The following CSMD1 variants were observed in gnomAD, a reference collection of about 807,000 sequenced individuals.
CSMD1 encodes CUB and sushi domain-containing protein 1.
CSMD1 carries 213 observed loss-of-function variants against 417.5 expected under a neutral mutation model. The ratio of observed to expected loss-of-function variants is 0.51; its 90% CI spans 0.46 to 0.57. The LOEUF is 0.57. Among genes scored for constraint, CSMD1 ranks in the 20% least tolerant of loss-of-function variants. CSMD1 has a pLI of 0.00. For synonymous variants in CSMD1, 2,862 were observed against 1,736.8 expected, an observed-to-expected ratio of 1.65 and a Z score of -16.11; for missense variants, 6,923 against 4,529.7, an observed-to-expected ratio of 1.53 and a Z score of -15.17.
At chr8:3,972,218 G>T (rs1328758072) in intron 5 of CSMD1, among the ~76,000 whole-genome samples, 1 of 151,276 alleles carries the variant, frequency 6.6e-6, no homozygotes, top group Admixed American at 6.6e-5. Flanking sequence ...GAAGAAAGCA[G>T]GGAGAAAAAA....
At chr8:2,989,646 G>C (rs556500979) in intron 54 of CSMD1, among the ~76,000 whole-genome samples, 1 of 152,338 alleles carries the variant, frequency 6.6e-6, no homozygotes, top group East Asian at 1.9e-4. Flanking sequence ...TAGTGGACCA[G>C]AGACAGTATC....
rs533923254 is a variant in CSMD1, at chr8:4,048,065, T to A, written c.416-15966A>T. Among the ~76,000 whole-genome samples, 10 of 152,284 alleles carry A rather than the reference T, an allele frequency of 6.6e-5. No individual in the cohort carries two copies. In the East Asian group the frequency reaches 1.9e-3, roughly 29 times the overall value. On this transcript the variant is annotated intron_variant, in intron 3 of 69. Coordinates refer to ENST00000635120, the MANE Select transcript of CSMD1 (RefSeq NM_033225.6). ...CATGTAGAATTCATTCTTTTCCAAA[T>A]ATTTTGTGCATTCCTAATTGATAAG...
intron 7 of CSMD1, among the ~76,000 whole-genome samples, chr8:3,627,998 T>A (rs188978640): frequency 2.0e-5 from 3 of 152,322 alleles, no homozygotes; most frequent in Admixed American, 2.0e-4. Flanking sequence ...ATATATCTAA[T>A]ATGAATTCCT....
chr8:4,201,200 C>A (rs1799623968), intron 3 of CSMD1, among the ~76,000 whole-genome samples: 1 of 152,090 alleles, frequency 6.6e-6, no homozygotes, highest in Admixed American at 6.5e-5. Flanking sequence ...AGGAGGTGAT[C>A]CAATACATGG....
At chr8:4,341,584 C>T (rs1800481063) in intron 3 of CSMD1, among the ~76,000 whole-genome samples, 2 of 152,082 alleles carry the variant, frequency 1.3e-5, no homozygotes, top group Admixed American at 6.6e-5. Flanking sequence ...TACTAACGTT[C>T]TGTGGTTCCC....
intron 1 of CSMD1, among the ~76,000 whole-genome samples, chr8:4,941,947 T>C (rs964767813): frequency 6.6e-5 from 10 of 152,188 alleles, no homozygotes; most frequent in Non-Finnish European, 1.3e-4. Context: ...ACAGTTTTTA[T>C]CTGCTTCTTC....
At chr8:3,274,880 C>G (rs1052438353) in intron 26 of CSMD1, among the ~76,000 whole-genome samples, 2 of 152,088 alleles carry the variant, frequency 1.3e-5, no homozygotes, top group Non-Finnish European at 2.9e-5. Flanking sequence ...GACTCTGTGT[C>G]CAGTTTGCCA....
intron 3 of CSMD1, among the ~76,000 whole-genome samples, chr8:4,117,242 C>T (rs1408730616): frequency 8.2e-6 from 1 of 122,404 alleles, no homozygotes; most frequent in African/African-American, 3.0e-5. Context: ...TTTCTGTCTG[C>T]TTTCCTCTCA....
At chr8:3,308,633 C>CAA in intron 23 of CSMD1, 130 bp from the exon 24 acceptor site, 1 of 659,456 alleles carries the variant, frequency 1.5e-6, no homozygotes, top group South Asian at 2.1e-5. Context: ...TGTGAATTTA[C>CAA]AAAGGGGAAA....
At chr8:4,945,117 A>G (rs1363397211) in intron 1 of CSMD1, among the ~76,000 whole-genome samples, 3 of 152,190 alleles carry the variant, frequency 2.0e-5, no homozygotes, top group African/African-American at 7.2e-5. Flanking sequence ...GACCTCAAGC[A>G]CAATATAATC....
intron 3 of CSMD1, among the ~76,000 whole-genome samples, chr8:4,066,699 G>A (rs13277896): frequency 6.6e-6 from 1 of 151,972 alleles, no homozygotes. Context: ...CCTGAAATTA[G>A]ATGATAGTAT....
intron 5 of CSMD1, among the ~76,000 whole-genome samples, chr8:3,888,356 T>C (rs893823420): frequency 1.3e-5 from 2 of 152,182 alleles, no homozygotes; most frequent in East Asian, 3.9e-4. Flanking sequence ...GATTACTCAG[T>C]CAGATGAGCT....
intron 7 of CSMD1, among the ~76,000 whole-genome samples, chr8:3,630,857 G>T (rs1317964883): frequency 1.3e-5 from 2 of 152,132 alleles, no homozygotes; most frequent in African/African-American, 4.8e-5. Flanking sequence ...CAACCAAGAG[G>T]AAACCTCAGT....
chr8:4,817,429 T>A (rs1441809860), intron 1 of CSMD1, among the ~76,000 whole-genome samples: 1 of 152,200 alleles, frequency 6.6e-6, no homozygotes, highest in African/African-American at 2.4e-5. Flanking sequence ...CAGCAAGTGT[T>A]TTCATAGAAG....
intron 10 of CSMD1, among the ~76,000 whole-genome samples, chr8:3,539,059 C>G (rs1348133934): frequency 6.6e-6 from 1 of 152,228 alleles, no homozygotes; most frequent in Non-Finnish European, 1.5e-5. Context: ...GGCCTCTCCT[C>G]CATCACTGAG....
rs1181303469 is a variant in CSMD1 at position 3,483,514 on chromosome 8, C to T, written c.1448+10109G>A. Reference sequence around the variant, plus strand: ...TTCACCAAAAATAAAATCCTCAGACCCAGATGGTTTCAATAGAAAATTCTA... The same window carrying T: ...TTCACCAAAAATAAAATCCTCAGACTCAGATGGTTTCAATAGAAAATTCTA... On this transcript the variant is annotated intron_variant, in intron 11 of 69. Transcript: ENST00000635120. Among the ~76,000 whole-genome samples, 11 of 151,906 alleles carry T rather than the reference C, an allele frequency of 7.2e-5. No homozygotes were observed. In the South Asian group the frequency reaches 2.3e-3, roughly 32 times the overall value.
Position 3,118,532 on chromosome 8 carries a change from G to C in CSMD1, c.6297C>G (p.Ile2099Met). The change falls in exon 42 of 70, where the codon ATC becomes ATG. Residue 2099 changes from isoleucine to methionine, a missense_variant. Transcript: ENST00000635120. Reference protein sequence around the residue: ...DPPPFQNGYMINSDYSVGQSV... With the variant: ...DPPPFQNGYMMNSDYSVGQSV... ...ATTGCCCCACGCTGTAATCCGAGTT[G>C]ATCATGTACCCATTCTGAAATGGGG... is the stretch of plus-strand genomic sequence containing the variant. 3 of 1,613,868 alleles carry C rather than the reference G, an allele frequency of 1.9e-6. No homozygotes were observed. In the South Asian group the frequency reaches 3.3e-5, roughly 18 times the overall value.
intron 1 of CSMD1, among the ~76,000 whole-genome samples, chr8:4,864,199 C>G (rs1463016371): frequency 1.3e-5 from 2 of 151,870 alleles, no homozygotes; most frequent in African/African-American, 2.4e-5. Flanking sequence ...ACAACCAAAA[C>G]AGACTGAATT....
rs187169194 is a variant in CSMD1 at position 4,692,652 on chromosome 8, C to A, written c.86-55094G>T. Among the ~76,000 whole-genome samples, 832 of 152,220 alleles carry A rather than the reference C, an allele frequency of 5.5e-3. 7 individuals carry two copies. The highest frequency in any genetic ancestry group is 0.019 in the African/African-American group (799 of 41,540). ...GAGGCTGCAGCAGACAAGGACTGAC[C>A]AACTGTCCTGGTTTGCCGATGGTCA... On this transcript the variant is annotated intron_variant, in intron 1 of 69. Coordinates refer to ENST00000635120, the MANE Select transcript of CSMD1 (RefSeq NM_033225.6).
Sources: gnomAD v4.1 joint callset for allele counts (sites outside exome capture counted in the v4.1 genomes callset) on GRCh38, gnomAD v4.1.1 for gene constraint, MANE v1.5 for transcripts, NCBI Gene and HGNC (gene_info 2026-07-23, HGNC 2026-07-21) for gene names.